CDK15: variants seen among roughly 807,000 people sequenced by gnomAD.
CDK15 encodes cyclin dependent kinase 15, also known as cyclin-dependent kinase 15.
CDK15 carries 62 observed loss-of-function variants against 60.3 expected under a neutral mutation model. That is an observed-to-expected ratio of 1.03 (90% CI 0.84 to 1.27). The LOEUF (loss-of-function observed/expected upper bound fraction) is 1.27. Ranked by LOEUF, CDK15 falls within the 50% of genes most tolerant of loss-of-function variation. The pLI is 0.00. For synonymous variants in CDK15, 194 were observed against 195.7 expected (o/e 0.99, Z 0.07); for missense variants, 541 against 527.8 (o/e 1.03, Z -0.25).
chr2:201,889,866 G>A (rs13432028), intron 12 of CDK15, among the ~76,000 whole-genome samples: 12,981 of 151,722 alleles, frequency 0.086, 1,122 homozygotes, highest in African/African-American at 0.22. Flanking sequence ...CCTGGCCAAC[G>A]TGGTGAAACC....
At chr2:201,889,432 A>G (rs1699565707) in intron 12 of CDK15, 1 of 982,298 alleles carries the variant, frequency 1.0e-6, no homozygotes, top group African/African-American at 1.7e-5. Context: ...TATTAAAAAC[A>G]TATTGTGTAT....
chr2:201,877,937 G>A (rs1408883561), intron 11 of CDK15, among the ~76,000 whole-genome samples: 2 of 152,078 alleles, frequency 1.3e-5, no homozygotes, highest in Non-Finnish European at 2.9e-5. Context: ...TAGAATTCTG[G>A]GCCAAGACTT....
At chr2:201,860,344 A>G (rs569810616) in intron 10 of CDK15, among the ~76,000 whole-genome samples, 1 of 152,352 alleles carries the variant, frequency 6.6e-6, no homozygotes, top group Non-Finnish European at 1.5e-5. Context: ...ACAGTGCATG[A>G]CATTAGTCAA....
chr2:201,860,913 TG>T (rs1698367792), intron 10 of CDK15: 5 of 1,335,776 alleles, frequency 3.7e-6, no homozygotes, highest in Non-Finnish European at 3.0e-6. Flanking sequence ...TTGTCCCCAC[TG>T]GGATGATAAA....
chr2:201,833,676 T>C (rs1480174354), intron 6 of CDK15, among the ~76,000 whole-genome samples, 172 bp from the exon 7 acceptor site: 4 of 151,246 alleles, frequency 2.6e-5, no homozygotes, highest in Non-Finnish European at 5.9e-5. Context: ...CTTGTCCTTT[T>C]TCTTCCCCCT....
intron 10 of CDK15, among the ~76,000 whole-genome samples, chr2:201,860,341 A>G (rs1406671213): frequency 6.6e-6 from 1 of 152,258 alleles, no homozygotes; most frequent in Non-Finnish European, 1.5e-5. Flanking sequence ...ATAACAGTGC[A>G]TGACATTAGT....
At chr2:201,886,822 C>T (rs568072231) in intron 12 of CDK15, among the ~76,000 whole-genome samples, 2 of 152,222 alleles carry the variant, frequency 1.3e-5, no homozygotes, top group Admixed American at 1.3e-4. Flanking sequence ...ATACAAATTA[C>T]CGTTAAATTA....
At chr2:201,874,854 T>C (rs963566493) in intron 11 of CDK15, among the ~76,000 whole-genome samples, 1 of 152,202 alleles carries the variant, frequency 6.6e-6, no homozygotes, top group Non-Finnish European at 1.5e-5. Flanking sequence ...ACTGAGAACA[T>C]TTAAAAAGTG....
At chr2:201,867,444 G>A (rs992410467) in intron 10 of CDK15, among the ~76,000 whole-genome samples, 6 of 151,992 alleles carry the variant, frequency 3.9e-5, no homozygotes, top group African/African-American at 7.3e-5. Flanking sequence ...GGCAACATAG[G>A]GAGACCCCAT....
chr2:201,845,589 TAA>T (rs35345906), intron 8 of CDK15, among the ~76,000 whole-genome samples: 25 of 101,430 alleles, frequency 2.5e-4, no homozygotes, highest in East Asian at 2.8e-4. Context: ...CCATCTGTAT[TAA>T]AAAAAAAAAA....
At chr2:201,854,797 C>A (rs1419071972) in intron 9 of CDK15, 77 bp from the exon 10 acceptor site, 8 of 1,238,466 alleles carry the variant, frequency 6.5e-6, no homozygotes, top group Non-Finnish European at 9.5e-6. Context: ...CTGATTTGTC[C>A]TGCATGTCTC....
intron 11 of CDK15, among the ~76,000 whole-genome samples, chr2:201,872,903 A>G (rs957466587): frequency 6.6e-6 from 1 of 152,204 alleles, no homozygotes; most frequent in Non-Finnish European, 1.5e-5. Context: ...TACAATAACC[A>G]GTATTATTTG....
At position 201,852,817 on chromosome 2, in the gene CDK15, AT is replaced by A; in HGVS notation, c.946-2055del. ...GAGATCAAATTTCCAAATAAAGTAT[AT>A]TGAATTTTTGTTTAAACTTTTAAAA... is the stretch of plus-strand genomic sequence containing the variant. On this transcript the variant is annotated intron_variant, in intron 9 of 13. Transcript: ENST00000652192. Among the ~76,000 whole-genome samples, 5 of 152,368 alleles carry A rather than the reference AT, an allele frequency of 3.3e-5. No individual in the cohort carries two copies. The Middle Eastern group carries it at 0.014, about 415-fold the overall frequency.
chr2:201,842,756 T>C (rs1198499007), intron 8 of CDK15, among the ~76,000 whole-genome samples: 1 of 152,150 alleles, frequency 6.6e-6, no homozygotes. Flanking sequence ...ATCTAAGCAG[T>C]TTCCTCTAAC....
chr2:201,873,922 C>T (rs1447680765), intron 11 of CDK15, among the ~76,000 whole-genome samples: 1 of 152,126 alleles, frequency 6.6e-6, no homozygotes, highest in Non-Finnish European at 1.5e-5. Context: ...AGCGTGGTGG[C>T]ATGTGCCTGT....
At chr2:201,818,214 G>T (rs1696074355) in intron 4 of CDK15, among the ~76,000 whole-genome samples, 1 of 152,162 alleles carries the variant, frequency 6.6e-6, no homozygotes, top group Non-Finnish European at 1.5e-5. Flanking sequence ...CCCTCAATGA[G>T]TTTACAGCCT....
intron 6 of CDK15, 113 bp from the exon 7 acceptor site, chr2:201,833,735 G>GT: frequency 2.0e-6 from 1 of 492,800 alleles, no homozygotes; most frequent in Non-Finnish European, 2.8e-6. Flanking sequence ...TTTTTTTTTG[G>GT]TCTCTCAAGA....
intron 8 of CDK15, 51 bp from the exon 9 acceptor site, chr2:201,847,330 G>C: frequency 6.6e-7 from 1 of 1,509,486 alleles, no homozygotes; most frequent in Non-Finnish European, 9.2e-7. Context: ...GTTCAGTTTC[G>C]CTTGTATGAT....
At chr2:201,842,328 C>T (rs1199615139) in intron 8 of CDK15, among the ~76,000 whole-genome samples, 1 of 152,150 alleles carries the variant, frequency 6.6e-6, no homozygotes, top group Non-Finnish European at 1.5e-5. Context: ...TTTCCAGAAG[C>T]ATTTATTTCA....
Sources: gnomAD v4.1 joint callset for allele counts (sites outside exome capture counted in the v4.1 genomes callset) on GRCh38, gnomAD v4.1.1 for gene constraint, MANE v1.5 for transcripts, NCBI Gene and HGNC (gene_info 2026-07-23, HGNC 2026-07-21) for gene names.